SYCP1: variants seen among roughly 807,000 people sequenced by gnomAD.
The protein encoded by SYCP1 is cancer/testis antigen 8.
In SYCP1, 64 loss-of-function variants were observed where a neutral mutation model predicts 153.1. The observed-to-expected ratio is 0.42, with a 90% confidence interval of 0.34 to 0.51. SYCP1 has a LOEUF of 0.51. Ranked by LOEUF, SYCP1 falls within the 20% of genes least tolerant of loss-of-function variation. The pLI is 0.06. For synonymous variants in SYCP1, 384 were observed against 341.8 expected (o/e 1.12, Z -1.36); for missense variants, 997 against 1,049.0 (o/e 0.95, Z 0.68).
rs1041624397 is a variant in SYCP1 at position 114,946,332 on chromosome 1, G to A, written c.2198G>A (p.Gly733Glu). ...ATTGAAGAAAGAGACTCAGAATTAG[G>A]ACTTTATAAGAGCAAAGAACAAGAA... ...KIIEERDSEL[G>E]LYKSKEQEQS... is the part of the protein sequence containing the mutation. Residue 733 changes from glycine to glutamate, a missense_variant, in exon 26 of 32, where the codon GGA becomes GAA. Physicochemically the swap from Gly to Glu is moderately conservative, Grantham distance 98. Coordinates refer to ENST00000369522, the MANE Select transcript of SYCP1 (RefSeq NM_003176.4). The A allele has an allele frequency of 3.3e-5, 52 of 1,586,126 alleles. No individual in the cohort carries two copies. The highest frequency in any genetic ancestry group is 4.4e-5 in the Non-Finnish European group (51 of 1,169,938).
At chr1:114,950,481 G>A (rs1172491942) in intron 27 of SYCP1, among the ~76,000 whole-genome samples, 1 of 151,954 alleles carries the variant, frequency 6.6e-6, no homozygotes, top group Non-Finnish European at 1.5e-5. Flanking sequence ...AATACAAAAA[G>A]GGTAAAAATA....
At position 114,897,168 on chromosome 1, in the gene SYCP1, G is replaced by C. The variant is rs560571744; in HGVS notation, c.1320+1659G>C. ...TAACTGCCATTAGAATAAGGATAAG[G>C]ATAAGGACAAAGACCAATCTTAATT... On this transcript the variant is annotated intron_variant, in intron 16 of 31. Transcript: ENST00000369522. Among the ~76,000 whole-genome samples the C allele has an allele frequency of 5.9e-5, 9 of 152,296 alleles. No individual in the cohort carries two copies. The East Asian group carries it at 1.7e-3, about 29-fold the overall frequency.
At chr1:114,936,435 C>G (rs1301759434) in intron 23 of SYCP1, among the ~76,000 whole-genome samples, 1 of 152,204 alleles carries the variant, frequency 6.6e-6, no homozygotes, top group Non-Finnish European at 1.5e-5. Context: ...GACAAACCCA[C>G]AGCCAATACC....
At chr1:114,924,360 TAGAG>T (rs1669114985) in intron 21 of SYCP1, among the ~76,000 whole-genome samples, 1 of 152,150 alleles carries the variant, frequency 6.6e-6, no homozygotes, top group African/African-American at 2.4e-5. Context: ...TGTCGACTCA[TAGAG>T]ATAGAGTTAG....
intron 20 of SYCP1, among the ~76,000 whole-genome samples, chr1:114,917,241 A>C (rs1473657609): frequency 6.6e-6 from 1 of 152,088 alleles, no homozygotes; most frequent in South Asian, 2.1e-4. Context: ...GAACATGCAA[A>C]GTTTGTCTGT....
chr1:114,901,162 A>T (rs1007119897), intron 16 of SYCP1, among the ~76,000 whole-genome samples: 3 of 152,192 alleles, frequency 2.0e-5, no homozygotes, highest in Non-Finnish European at 4.4e-5. Context: ...TCTGCTTTTA[A>T]TTCCTGGGGT....
chr1:114,981,865 A>T (rs1006976619), intron 29 of SYCP1, among the ~76,000 whole-genome samples: 1 of 152,046 alleles, frequency 6.6e-6, no homozygotes, highest in African/African-American at 2.4e-5. Context: ...GTTATTTATC[A>T]GTGTTTAAGG....
intron 30 of SYCP1, among the ~76,000 whole-genome samples, chr1:114,992,874 A>T (rs960903452): frequency 6.6e-6 from 1 of 151,556 alleles, no homozygotes; most frequent in African/African-American, 2.4e-5. Flanking sequence ...AATATTTAAA[A>T]ATCATATATA....
At chr1:114,971,950 A>G (rs1672513578) in intron 27 of SYCP1, among the ~76,000 whole-genome samples, 1 of 151,886 alleles carries the variant, frequency 6.6e-6, no homozygotes. Context: ...TTTGGAAGTA[A>G]CCCCCTCTCC....
intron 30 of SYCP1, among the ~76,000 whole-genome samples, chr1:114,988,854 G>A (rs142086099): frequency 4.2e-4 from 64 of 151,952 alleles, no homozygotes; most frequent in Admixed American, 8.5e-4. Flanking sequence ...GTTACTAGGC[G>A]CACAATGTAT....
At chr1:114,961,820 G>A (rs1013926326) in intron 27 of SYCP1, among the ~76,000 whole-genome samples, 5 of 152,092 alleles carry the variant, frequency 3.3e-5, no homozygotes, top group Non-Finnish European at 7.4e-5. Flanking sequence ...TTCTGCAGTT[G>A]TTAGGTAGAA....
chr1:114,895,414 G>C, intron 15 of SYCP1, 34 bp from the exon 16 acceptor site: 2 of 1,365,994 alleles, frequency 1.5e-6, no homozygotes, highest in Non-Finnish European at 2.0e-6. Context: ...TTTTAATCCA[G>C]CTTTTTAACA....
intron 8 of SYCP1, chr1:114,862,774 AG>A (rs1664465825): frequency 6.6e-6 from 1 of 152,082 alleles, no homozygotes; most frequent in South Asian, 2.1e-4. Context: ...ACATGTAGAA[AG>A]TTTTTTTTTT....
rs1673142431 is a variant in SYCP1 at position 114,981,380 on chromosome 1, A to G, written c.2427A>G (p.Lys809=). The stretch of plus-strand genomic sequence containing the variant: ...TGGAAACACCTGAAATTTATTGGAA[A>G]TTGGATTCTAAAGCAGTTCCTTCAC... ...FLLETPEIYW[K]LDSKAVPSQT... The change falls in exon 29 of 32, where the codon AAA becomes AAG. Residue 809 remains lysine (K), a synonymous_variant. Transcript: ENST00000369522. 3 of 1,603,730 alleles carry G rather than the reference A, an allele frequency of 1.9e-6. No individual in the cohort carries two copies. The highest frequency in any genetic ancestry group is 1.3e-5 in the African/African-American group (1 of 74,492).
intron 14 of SYCP1, among the ~76,000 whole-genome samples, 178 bp downstream of exon 14, chr1:114,886,487 A>T (rs1666317585): frequency 6.6e-6 from 1 of 152,180 alleles, no homozygotes; most frequent in Non-Finnish European, 1.5e-5. Flanking sequence ...ATAGACAGAT[A>T]TCTTAGGAAA....
At chr1:114,983,151 C>A (rs1209800582) in intron 29 of SYCP1, among the ~76,000 whole-genome samples, 1 of 151,938 alleles carries the variant, frequency 6.6e-6, no homozygotes, top group Non-Finnish European at 1.5e-5. Context: ...TAGAGAATCT[C>A]AAGATTAGCC....
At chr1:114,875,605 T>C (rs1192343143) in intron 9 of SYCP1, among the ~76,000 whole-genome samples, 1 of 152,126 alleles carries the variant, frequency 6.6e-6, no homozygotes, top group Non-Finnish European at 1.5e-5. Flanking sequence ...TCCTGGCACA[T>C]AATAGGCACT....
At position 114,913,098 on chromosome 1, in the gene SYCP1, A is replaced by G. The variant is rs767297959; in HGVS notation, c.1595A>G (p.Gln532Arg). 1 of 1,612,738 alleles carries G rather than the reference A, an allele frequency of 6.2e-7. No homozygotes were observed. The highest frequency in any genetic ancestry group is 1.1e-5 in the South Asian group (1 of 90,962). The part of the protein sequence containing the change: ...KLSLENKELT[Q>R]ETSDMTLELK... ...TCACTAGAAAACAAAGAGCTCACAC[A>G]GGAAACAAGTGATATGACCCTAGAA... The change falls in exon 19 of 32, where the codon CAG becomes CGG. Residue 532 changes from glutamine to arginine, a missense_variant. This residue lies in a region of SYCP1 where 712 missense variants were observed against 682.9 expected (regional missense o/e 1.04). Coordinates refer to ENST00000369522, the MANE Select transcript of SYCP1 (RefSeq NM_003176.4).
intron 27 of SYCP1, among the ~76,000 whole-genome samples, chr1:114,974,234 G>C (rs922612853): frequency 3.3e-5 from 5 of 151,610 alleles, no homozygotes; most frequent in African/African-American, 7.3e-5. Flanking sequence ...AACTCTATTT[G>C]GTTATGATGT....
Sources: gnomAD v4.1 joint callset for allele counts (sites outside exome capture counted in the v4.1 genomes callset) on GRCh38, gnomAD v4.1.1 for gene constraint, gnomAD v4.1.1 regional missense constraint, MANE v1.5 for transcripts, NCBI Gene and HGNC (gene_info 2026-07-23, HGNC 2026-07-21) for gene names.